The following CYP7B1 variants were observed in gnomAD, a reference collection of about 807,000 sequenced individuals.
The protein encoded by CYP7B1 is cytochrome P450 7B1.
In CYP7B1, 29 loss-of-function variants were observed where a neutral mutation model predicts 42.7. That is an observed-to-expected ratio of 0.68 (90% confidence interval 0.51 to 0.93). CYP7B1 has a LOEUF of 0.93. Among genes scored for constraint, CYP7B1 ranks in the 40% least tolerant of loss-of-function variants. The pLI, the probability that CYP7B1 is intolerant of heterozygous loss-of-function variation, is 0.00. For missense variants in CYP7B1, 655 were observed against 600.5 expected, an observed-to-expected ratio of 1.09 and a Z score of -0.95; for synonymous variants, 235 against 218.2, an observed-to-expected ratio of 1.08 and a Z score of -0.68.
intron 1 of CYP7B1, among the ~76,000 whole-genome samples, chr8:64,636,831 C>T (rs545415877): frequency 2.0e-4 from 31 of 152,096 alleles, no homozygotes; most frequent in Non-Finnish European, 4.0e-4. Flanking sequence ...AGGGGGAAGT[C>T]GATTCATAAC....
chr8:64,647,992 A>T (rs1220094259), intron 1 of CYP7B1, among the ~76,000 whole-genome samples: 1 of 152,210 alleles, frequency 6.6e-6, no homozygotes, highest in Admixed American at 6.5e-5. Flanking sequence ...TAGCTGACAG[A>T]TCCATTAATC....
chr8:64,600,741 T>C (rs1438693670), intron 5 of CYP7B1, among the ~76,000 whole-genome samples: 1 of 152,052 alleles, frequency 6.6e-6, no homozygotes, highest in East Asian at 1.9e-4. Context: ...ACTACGAAAA[T>C]TGACAAACAC....
chr8:64,651,816 T>A (rs1004113094), intron 1 of CYP7B1, among the ~76,000 whole-genome samples: 2 of 152,188 alleles, frequency 1.3e-5, no homozygotes, highest in Non-Finnish European at 2.9e-5. Flanking sequence ...CCTCCAGAAC[T>A]AAGAGAAATA....
chr8:64,590,046 A>T (rs1006505413), downstream of CYP7B1, among the ~76,000 whole-genome samples: 1 of 152,262 alleles, frequency 6.6e-6, no homozygotes, highest in Non-Finnish European at 1.5e-5. Flanking sequence ...AAGAAAATAC[A>T]CATTATTATT....
chr8:64,607,451 C>T lies in CYP7B1; in HGVS notation c.1058-2594G>A, dbSNP rs2129629995. Among the ~76,000 whole-genome samples the T allele has an allele frequency of 2.6e-5, 4 of 150,986 alleles. 1 individual carries two copies. The Middle Eastern group carries it at 0.01, about 388-fold the overall frequency. ...TACTTATAAATATTCAGTCTTTAAACCTAATTTGCTATACTTAGTTCACAT... is the reference window on the plus strand; with the variant it reads ...TACTTATAAATATTCAGTCTTTAAATCTAATTTGCTATACTTAGTTCACAT... On this transcript the variant is annotated intron_variant, in intron 4 of 5. Coordinates refer to ENST00000310193, the MANE Select transcript of CYP7B1 (RefSeq NM_004820.5).
At chr8:64,723,115 GA>G (rs1375148904) in intron 1 of CYP7B1, among the ~76,000 whole-genome samples, 1 of 151,994 alleles carries the variant, frequency 6.6e-6, no homozygotes, top group Non-Finnish European at 1.5e-5. Flanking sequence ...CTAAAAACTT[GA>G]ACATTTTGAA....
chr8:64,625,794 A>C (rs1805601302), intron 1 of CYP7B1, among the ~76,000 whole-genome samples: 1 of 151,550 alleles, frequency 6.6e-6, no homozygotes, highest in Non-Finnish European at 1.5e-5. Flanking sequence ...TTAAATTCCA[A>C]CTCATGTATA....
intron 1 of CYP7B1, among the ~76,000 whole-genome samples, chr8:64,785,904 G>A (rs1804518643): frequency 6.6e-6 from 1 of 152,194 alleles, no homozygotes; most frequent in Non-Finnish European, 1.5e-5. Flanking sequence ...TGACTATCAT[G>A]ATGGAAAGGG....
At chr8:64,769,186 A>G (rs886253982) in intron 1 of CYP7B1, among the ~76,000 whole-genome samples, 4 of 152,204 alleles carry the variant, frequency 2.6e-5, no homozygotes, top group African/African-American at 9.7e-5. Context: ...TAAAAAGTAA[A>G]ATTTATAGTA....
At position 64,615,855 on chromosome 8, in the gene CYP7B1, T is replaced by C. The variant is rs753339625; in HGVS notation, c.686A>G (p.Asn229Ser). ...ATTTCCTAGAAGCTCAATGGGTATG[T>C]TGGATACTAAATATGCAAACTTGTC... ...FDDKFAYLVS[N>S]IPIELLGNVK... The change falls in exon 3 of 6, where the codon AAC becomes AGC. Residue 229 changes from asparagine to serine, a missense_variant. Physicochemically the swap from Asn to Ser is conservative, Grantham distance 46. Transcript: ENST00000310193. The C allele has an allele frequency of 3.7e-6, 6 of 1,613,654 alleles. No homozygotes were observed. Among genetic ancestry groups the C allele is most frequent in the Non-Finnish European group, 5.1e-6 (6 of 1,179,776 alleles).
At chr8:64,605,765 A>G (rs1045965067) in intron 4 of CYP7B1, among the ~76,000 whole-genome samples, 1 of 152,180 alleles carries the variant, frequency 6.6e-6, no homozygotes, top group Non-Finnish European at 1.5e-5. Flanking sequence ...CTAATCAGCA[A>G]TATGAAAAAA....
At chr8:64,677,574 A>C (rs2129631852) in intron 1 of CYP7B1, among the ~76,000 whole-genome samples, 1 of 152,072 alleles carries the variant, frequency 6.6e-6, no homozygotes, top group Admixed American at 6.6e-5. Context: ...AGGACAGGCC[A>C]TAAAAGCTCT....
chr8:64,683,854 C>T (rs904664907), intron 1 of CYP7B1, among the ~76,000 whole-genome samples: 3 of 151,956 alleles, frequency 2.0e-5, no homozygotes, highest in Admixed American at 1.3e-4. Context: ...AATCTTGGGG[C>T]ATTTGCACCC....
chr8:64,643,154 C>CGT (rs1805889832), intron 1 of CYP7B1, among the ~76,000 whole-genome samples: 1 of 91,162 alleles, frequency 1.1e-5, no homozygotes, highest in East Asian at 2.3e-4. Context: ...TACATATATA[C>CGT]ATATATACAC....
At chr8:64,622,596 C>T (rs2129630383) in intron 2 of CYP7B1, among the ~76,000 whole-genome samples, 1 of 152,200 alleles carries the variant, frequency 6.6e-6, no homozygotes, top group East Asian at 1.9e-4. Flanking sequence ...ATATGCAACT[C>T]TCTTGAAAGA....
intron 1 of CYP7B1, among the ~76,000 whole-genome samples, chr8:64,686,113 C>G (rs1211392596): frequency 9.0e-6 from 1 of 111,326 alleles, no homozygotes; most frequent in African/African-American, 3.6e-5. Flanking sequence ...GGGGGGTCAG[C>G]CCTCCGCCCG....
At chr8:64,759,795 T>G (rs1469747992) in intron 1 of CYP7B1, among the ~76,000 whole-genome samples, 1 of 152,180 alleles carries the variant, frequency 6.6e-6, no homozygotes, top group Non-Finnish European at 1.5e-5. Context: ...TCCAGAGATT[T>G]GAATCCAGCT....
intron 5 of CYP7B1, among the ~76,000 whole-genome samples, chr8:64,603,952 T>C (rs1012395433): frequency 2.6e-5 from 4 of 152,202 alleles, no homozygotes; most frequent in African/African-American, 4.8e-5. Flanking sequence ...CAAAAACTAC[T>C]GCAGCAACAT....
chr8:64,796,718 T>A (rs1485938599), intron 1 of CYP7B1, among the ~76,000 whole-genome samples: 3 of 152,200 alleles, frequency 2.0e-5, no homozygotes, highest in Non-Finnish European at 4.4e-5. Context: ...TTCTATAAAC[T>A]GACATAGGAA....
Sources: gnomAD v4.1 joint callset for allele counts (sites outside exome capture counted in the v4.1 genomes callset) on GRCh38, gnomAD v4.1.1 for gene constraint, MANE v1.5 for transcripts, NCBI Gene and HGNC (gene_info 2026-07-23, HGNC 2026-07-21) for gene names.